Variants in DSC2 observed in about 807,000 individuals in gnomAD.
The protein encoded by DSC2 is desmocollin 2, also known as desmocollin-2.
Under a neutral mutation model 87.6 loss-of-function variants are expected in DSC2, and 51 were observed. The ratio of observed to expected loss-of-function variants is 0.58; its 90% CI spans 0.46 to 0.74. The LOEUF is 0.74. DSC2 is among the 30% of genes least tolerant of loss of function. DSC2 has a pLI of 0.00. For missense variants in DSC2, 1,066 were observed against 1,089.5 expected, an observed-to-expected ratio of 0.98 and a Z score of 0.30; for synonymous variants, 383 against 393.2, an observed-to-expected ratio of 0.97 and a Z score of 0.31.
In DSC2 at chr18:31,070,713, C is replaced by T; in HGVS notation, c.2250+13G>A. 2 of 1,613,316 alleles carry T rather than the reference C, an allele frequency of 1.2e-6. No individual in the cohort carries two copies. Among genetic ancestry groups the T allele is most frequent in the South Asian group, 2.2e-5 (2 of 91,074 alleles). On this transcript the variant is annotated intron_variant, in intron 14 of 15. Coordinates refer to ENST00000280904, the MANE Select transcript of DSC2 (RefSeq NM_024422.6). ...TCATCCTTTGTATTTATTTAAAAAGCCAGACTACTTACCACTTTGTCATCT... is the reference window on the plus strand; with the variant it reads ...TCATCCTTTGTATTTATTTAAAAAGTCAGACTACTTACCACTTTGTCATCT...
Position 31,067,436 on chromosome 18 carries a change from A to G in DSC2, c.*579T>C, listed in dbSNP as rs59914360. On this transcript the variant is annotated 3_prime_UTR_variant, in exon 16 of 16. Coordinates refer to ENST00000280904, the MANE Select transcript of DSC2 (RefSeq NM_024422.6). Reference sequence around the variant, plus strand: ...ACACAGATTCAGTGCAGGATTTTATATACAATAAAACCTAAAACTAAACTC... The same window carrying G: ...ACACAGATTCAGTGCAGGATTTTATGTACAATAAAACCTAAAACTAAACTC... 0.095 allele frequency: 14,430 copies of G among 152,624 alleles called. 950 individuals carry two copies. The highest frequency in any genetic ancestry group is 0.18 in the African/African-American group (7,578 of 41,490). The allele number at this position is 152,624 out of a possible 1,614,324, so 9.5% of individuals were successfully genotyped here. A position where few individuals can be genotyped will look rare whatever the true frequency, so the allele number is the denominator to read the frequency against.
rs34582584 is a variant in DSC2 at position 31,073,373 on chromosome 18, GCACACACACACA to G, written c.1888+1298_1888+1309del. The stretch of plus-strand genomic sequence containing the variant: ...ACTGATAACCCCGATACACACACAC[GCACACACACACA>G]CACACACACACACACACACGCACAC... On this transcript the variant is annotated intron_variant, in intron 12 of 15. Transcript: ENST00000280904. Among the ~76,000 whole-genome samples, 263 of 147,080 alleles carry G rather than the reference GCACACACACACA, an allele frequency of 1.8e-3. 1 individual carries two copies. Among genetic ancestry groups the G allele is most frequent in the Middle Eastern group, 6.9e-3 (2 of 288 alleles).
rs533189498 is a variant in DSC2 at position 31,089,741 on chromosome 18, T to C, written c.475-147A>G. On this transcript the variant is annotated intron_variant, in intron 4 of 15. Coordinates refer to ENST00000280904, the MANE Select transcript of DSC2 (RefSeq NM_024422.6). Reference sequence around the variant, plus strand: ...TATATAAATTAAAACAGCAATAGAATAAGAAAGTCCAATTGAGAAATTTCA... The same window carrying C: ...TATATAAATTAAAACAGCAATAGAACAAGAAAGTCCAATTGAGAAATTTCA... 4 of 803,564 alleles carry C rather than the reference T, an allele frequency of 5.0e-6. No individual in the cohort carries two copies. The Admixed American group carries it at 1.2e-4, about 23-fold the overall frequency. The allele number at this position is 803,564 out of a possible 1,614,324, so 49.8% of individuals were successfully genotyped here.
chr18:31,067,781 C>A lies in DSC2; in HGVS notation c.*234G>T. 1 of 489,172 alleles carries A rather than the reference C, an allele frequency of 2.0e-6. No homozygotes were observed. The highest frequency in any genetic ancestry group is 3.7e-6 in the Non-Finnish European group (1 of 273,492). The allele number at this position is 489,172 out of a possible 1,614,324, so 30.3% of individuals were successfully genotyped here. ...ACAAATAAGGCAGACTTTAATTTCT[C>A]TGTAGACCTCCTTGGATAGAAGATA... On this transcript the variant is annotated 3_prime_UTR_variant, in exon 16 of 16. Transcript: ENST00000280904.
chr18:31,100,201 C>T (rs1987892845), intron 1 of DSC2, among the ~76,000 whole-genome samples: 1 of 152,138 alleles, frequency 6.6e-6, no homozygotes, highest in Admixed American at 6.5e-5. Context: ...TACTTCCTAC[C>T]CCACTCCCCG....
At chr18:31,072,951 A>G (rs966408123) in intron 12 of DSC2, among the ~76,000 whole-genome samples, 1 of 152,240 alleles carries the variant, frequency 6.6e-6, no homozygotes, top group Non-Finnish European at 1.5e-5. Context: ...TACATGCATT[A>G]TCTCATTTAC....
At chr18:31,082,902 C>A (rs1418349235) in intron 8 of DSC2, 24 bp downstream of exon 8, 1 of 1,611,214 alleles carries the variant, frequency 6.2e-7, no homozygotes, top group Admixed American at 1.7e-5. Context: ...ATACATTTTT[C>A]TTTAATTAAT....
At position 31,074,754 on chromosome 18, in the gene DSC2, G is replaced by A; in HGVS notation, c.1817C>T (p.Pro606Leu). Reference sequence around the variant, plus strand: ...ACTCTCCAGACTAAAGTCAAAGGGTGGGCCATGGATAGGCTCATCAGGATC... The same window carrying A: ...ACTCTCCAGACTAAAGTCAAAGGGTAGGCCATGGATAGGCTCATCAGGATC... ...AVDPDEPIHG[P>L]PFDFSLESST... is the part of the protein sequence containing the mutation. The change falls in exon 12 of 16, where the codon CCA becomes CTA. Residue 606 changes from proline to leucine, a missense_variant. Transcript: ENST00000280904. 6.2e-7 allele frequency: 1 copy of A among 1,613,976 alleles called. No homozygotes were observed.
chr18:31,082,158 A>T, intron 9 of DSC2, 80 bp downstream of exon 9: 12 of 1,257,404 alleles, frequency 9.5e-6, no homozygotes, highest in Non-Finnish European at 1.4e-5. Flanking sequence ...CATTTATCAG[A>T]ATTCCTTTCT....
Position 31,082,918 on chromosome 18 carries a change from A to T in DSC2, c.1077+8T>A. 6.2e-7 allele frequency: 1 copy of T among 1,612,816 alleles called. No homozygotes were observed. Among genetic ancestry groups the T allele is most frequent in the Non-Finnish European group, 8.5e-7 (1 of 1,179,638 alleles). On this transcript the variant is annotated splice_region_variant and intron_variant, in intron 8 of 15. Coordinates refer to ENST00000280904, the MANE Select transcript of DSC2 (RefSeq NM_024422.6). ...TACATTTTTCTTTAATTAATATCATACACTTACAGAAGTACGAGTAAATGT... is the reference window on the plus strand; with the variant it reads ...TACATTTTTCTTTAATTAATATCATTCACTTACAGAAGTACGAGTAAATGT...
rs1261654393 is a variant in DSC2 at position 31,061,529 on chromosome 18, A to G, written c.*6486T>C. On this transcript the variant is annotated 3_prime_UTR_variant, in exon 16 of 16. Coordinates refer to ENST00000280904, the MANE Select transcript of DSC2 (RefSeq NM_024422.6). The stretch of plus-strand genomic sequence containing the variant: ...ATGGCTTGAGAAGAATATGCTCCAA[A>G]TCCATGACACAGTAAAATTCCTCTA... 1 of 152,214 alleles carries G rather than the reference A, an allele frequency of 6.6e-6. No individual in the cohort carries two copies. The highest frequency in any genetic ancestry group is 2.1e-4 in the South Asian group (1 of 4,836). 9.4% of individuals were successfully genotyped at this position (152,214 alleles called of 1,614,324 possible).
Position 31,101,493 on chromosome 18 carries a change from A to C in DSC2, c.69+410T>G. 8 of 61,884 alleles carry C rather than the reference A, an allele frequency of 1.3e-4. 1 individual carries two copies. Among genetic ancestry groups the C allele is most frequent in the Admixed American group, 3.9e-4 (2 of 5,126 alleles). The allele number at this position is 61,884 out of a possible 1,614,324, so 3.8% of individuals were successfully genotyped here. ...ACAGGGAGCCGCACGTTCCCGGGGA[A>C]GGTGCCAGAGGCCAGCTGGACGGCC... On this transcript the variant is annotated intron_variant, in intron 1 of 15. Coordinates refer to ENST00000280904, the MANE Select transcript of DSC2 (RefSeq NM_024422.6).
rs1987989958 is a variant in DSC2 at position 31,102,161 on chromosome 18, T to C, written c.-190A>G. Reference sequence around the variant, plus strand: ...GCGCCTGCCTCTCATCCAAGGGGCTTTTCCTTTGGCGGAGGGAGGGGCTCC... The same window carrying C: ...GCGCCTGCCTCTCATCCAAGGGGCTCTTCCTTTGGCGGAGGGAGGGGCTCC... On this transcript the variant is annotated 5_prime_UTR_variant, in exon 1 of 16. Transcript: ENST00000280904. The C allele has an allele frequency of 1.2e-5, 6 of 492,136 alleles. No individual in the cohort carries two copies. In the South Asian group the frequency reaches 2.2e-4, roughly 18 times the overall value. The allele number at this position is 492,136 out of a possible 1,614,324, so 30.5% of individuals were successfully genotyped here.
At chr18:31,085,898 CAGTAGAA>C (rs2144828623) in intron 7 of DSC2, among the ~76,000 whole-genome samples, 1 of 152,024 alleles carries the variant, frequency 6.6e-6, no homozygotes, top group African/African-American at 2.4e-5. Flanking sequence ...TAGGGTATTG[CAGTAGAA>C]AGAGACAGAA....
chr18:31,101,840 G>T, intron 1 of DSC2, 63 bp downstream of exon 1: 1 of 1,436,042 alleles, frequency 7.0e-7, no homozygotes. Flanking sequence ...CGTTCCCCTA[G>T]TTTTCCTCTG....
rs969755734 is a variant in DSC2, at chr18:31,063,151, T to G, written c.*4864A>C. ...TTCAAGACCAGCCTGGCCAACATGGTGAAACCCTTTCTCTGCTAAAAATAC... is the reference window on the plus strand; with the variant it reads ...TTCAAGACCAGCCTGGCCAACATGGGGAAACCCTTTCTCTGCTAAAAATAC... On this transcript the variant is annotated 3_prime_UTR_variant, in exon 16 of 16. Transcript: ENST00000280904. 2 of 151,544 alleles carry G rather than the reference T, an allele frequency of 1.3e-5. No individual in the cohort carries two copies. The highest frequency in any genetic ancestry group is 4.9e-5 in the African/African-American group (2 of 41,012). The allele number at this position is 151,544 out of a possible 1,614,324, so 9.4% of individuals were successfully genotyped here.
rs864622708 is a variant in DSC2 at position 31,086,700 on chromosome 18, G to A, written c.818C>T (p.Pro273Leu). 7 of 1,613,980 alleles carry A rather than the reference G, an allele frequency of 4.3e-6. No homozygotes were observed. In the African/African-American group the frequency reaches 8.0e-5, roughly 18 times the overall value. ...GQVCATDKDE[P>L]DTMHTRLKYS... is the part of the protein sequence containing the mutation. ...CTTCAGGCGTGTGTGCATCGTGTCA[G>A]GCTCATCTTTGTCAGTAGCACACAC... Residue 273 changes from proline (P) to leucine (L), a missense_variant, in exon 7 of 16, where the codon CCT (proline) becomes CTT (leucine). Coordinates refer to ENST00000280904, the MANE Select transcript of DSC2 (RefSeq NM_024422.6).
In DSC2 at chr18:31,091,077, C is replaced by G. The variant is rs1478081073; in HGVS notation, c.425G>C (p.Cys142Ser). 7 of 1,613,904 alleles carry G rather than the reference C, an allele frequency of 4.3e-6. No homozygotes were observed. The highest frequency in any genetic ancestry group is 5.9e-6 in the Non-Finnish European group (7 of 1,179,960). ...ACCCAAGGAGTTTTCTAGCATCGAA[C>G]AAGGAATTGGAGCCCATCTTCTCTT... is the stretch of plus-strand genomic sequence containing the variant. ...RAKRRWAPIPCSMLENSLGPF... is the reference protein window; with the variant it reads ...RAKRRWAPIPSSMLENSLGPF... The change falls in exon 4 of 16, where the codon TGT becomes TCT. Residue 142 changes from cysteine (C) to serine (S), a missense_variant. Coordinates refer to ENST00000280904, the MANE Select transcript of DSC2 (RefSeq NM_024422.6).
Position 31,082,317 on chromosome 18 carries a change from A to G in DSC2, c.1184T>C (p.Ile395Thr), listed in dbSNP as rs768706276. Residue 395 changes from isoleucine to threonine, a missense_variant, in exon 9 of 16, where the codon ATT (isoleucine) becomes ACT (threonine). Physicochemically the swap from Ile to Thr is moderately conservative, Grantham distance 89. Transcript: ENST00000280904. ...ATTGCCATTTTCATTGCCCTTTAAAATGGTATAATTAGCTCTCCAGTTAGC... is the reference window on the plus strand; with the variant it reads ...ATTGCCATTTTCATTGCCCTTTAAAGTGGTATAATTAGCTCTCCAGTTAGC... ...NTANWRANYT[I>T]LKGNENGNFK... is the part of the protein sequence containing the mutation. 1.9e-6 allele frequency: 3 copies of G among 1,613,932 alleles called. No homozygotes were observed. The highest frequency in any genetic ancestry group is 2.5e-6 in the Non-Finnish European group (3 of 1,179,978).
Sources: gnomAD v4.1 joint callset for allele counts (sites outside exome capture counted in the v4.1 genomes callset) on GRCh38, gnomAD v4.1.1 for gene constraint, MANE v1.5 for transcripts, NCBI Gene and HGNC (gene_info 2026-07-23, HGNC 2026-07-21) for gene names.